MEI4: variants seen among roughly 807,000 people sequenced by gnomAD.
MEI4 encodes meiosis-specific protein MEI4.
In MEI4, 27 loss-of-function variants were observed where a neutral mutation model predicts 31.4. The observed-to-expected ratio is 0.86, with a 90% CI of 0.63 to 1.19. The LOEUF is 1.19. MEI4 is among the 50% of genes most tolerant of loss of function. The pLI, the probability that MEI4 is intolerant of heterozygous loss-of-function variation, is 0.00. For synonymous variants in MEI4, 122 were observed against 145.4 expected (o/e 0.84, Z 1.16); for missense variants, 329 against 398.9 (o/e 0.82, Z 1.49).
In MEI4 at chr6:77,854,799, A is replaced by AT. The variant is rs533792371; in HGVS notation, c.900+25739dup. ...CTACACACTTGACTTATATTATCTC[A>AT]TTAAACCTCAAAGCAACCGTCTGGT... On this transcript the variant is annotated intron_variant, in intron 4 of 4. Coordinates refer to ENST00000684080, the MANE Select transcript of MEI4 (RefSeq NM_001322247.2). 1.4e-3 allele frequency among the ~76,000 whole-genome samples: 213 copies of AT among 152,268 alleles called. 1 individual carries two copies. Among genetic ancestry groups the AT allele is most frequent in the African/African-American group, 4.5e-3 (187 of 41,564 alleles).
chr6:77,671,052 TTG>T (rs1768729049), intron 1 of MEI4, among the ~76,000 whole-genome samples: 1 of 148,960 alleles, frequency 6.7e-6, no homozygotes, highest in East Asian at 2.0e-4. Context: ...TTGTGAATTG[TTG>T]TTTTTTTTTT....
At position 77,820,238 on chromosome 6, in the gene MEI4, G is replaced by T. The variant is rs372744140; in HGVS notation, c.769-8693G>T. ...AAACACAAAGAGACTCCTGGGACTG[G>T]TTTTTTTTTGTTTTTGTTTTTGTTT... On this transcript the variant is annotated intron_variant, in intron 3 of 4. Transcript: ENST00000684080. This position sits in a 1 kb window ranked among gnomAD's most constrained non-coding sequence, Gnocchi z 4.5. Among the ~76,000 whole-genome samples the T allele has an allele frequency of 1.6e-3, 247 of 150,820 alleles. 1 individual carries two copies. The highest frequency in any genetic ancestry group is 6.9e-3 in the Middle Eastern group (2 of 288).
At chr6:77,886,038 T>C (rs1255579751) in intron 4 of MEI4, among the ~76,000 whole-genome samples, 1 of 152,216 alleles carries the variant, frequency 6.6e-6, no homozygotes. Flanking sequence ...ATCACTTTGA[T>C]GTGCTGTTAG....
At chr6:77,796,901 C>G (rs1437301875) in intron 3 of MEI4, among the ~76,000 whole-genome samples, 1 of 152,080 alleles carries the variant, frequency 6.6e-6, no homozygotes, top group Admixed American at 6.6e-5. Flanking sequence ...GAATGAAGAT[C>G]AAAGCTTACA....
chr6:77,842,041 C>A (rs181946614), intron 4 of MEI4, among the ~76,000 whole-genome samples: 54 of 152,230 alleles, frequency 3.5e-4, no homozygotes, highest in Non-Finnish European at 6.8e-4. Flanking sequence ...GGCATAAAAT[C>A]AGCAATATCT....
intron 2 of MEI4, among the ~76,000 whole-genome samples, chr6:77,692,014 G>T (rs776618998): frequency 7.9e-5 from 12 of 151,976 alleles, no homozygotes; most frequent in Non-Finnish European, 1.3e-4. Context: ...TTCTGATAGT[G>T]GCCCAAAATG....
chr6:77,825,968 AAG>A (rs1769938557), intron 3 of MEI4, among the ~76,000 whole-genome samples: 1 of 152,180 alleles, frequency 6.6e-6, no homozygotes, highest in African/African-American at 2.4e-5. Context: ...ATGTGGGAGA[AAG>A]AGCATCATAT....
intron 4 of MEI4, among the ~76,000 whole-genome samples, chr6:77,835,419 A>C (rs990564016): frequency 6.0e-5 from 9 of 150,534 alleles, no homozygotes; most frequent in African/African-American, 1.9e-4. Context: ...AAAAAAAAAA[A>C]AGAAGAGAAA....
intron 4 of MEI4, among the ~76,000 whole-genome samples, chr6:77,835,512 G>GT (rs1770199915): frequency 6.6e-6 from 1 of 151,340 alleles, no homozygotes; most frequent in African/African-American, 2.4e-5. Context: ...CAATCTCATG[G>GT]TACCAAGTAA....
chr6:77,689,612 C>T (rs1419036880), intron 1 of MEI4, among the ~76,000 whole-genome samples: 2 of 151,926 alleles, frequency 1.3e-5, no homozygotes, highest in Non-Finnish European at 2.9e-5. Context: ...AAATTCAGGG[C>T]ATCACGGCAG....
At chr6:77,899,937 A>T (rs12202257) in intron 4 of MEI4, among the ~76,000 whole-genome samples, 22 of 151,792 alleles carry the variant, frequency 1.4e-4, no homozygotes, top group African/African-American at 5.3e-4. Context: ...ACCAGAAAAA[A>T]AAAAACAGGA....
At chr6:77,894,199 A>G (rs1347697548) in intron 4 of MEI4, among the ~76,000 whole-genome samples, 3 of 152,204 alleles carry the variant, frequency 2.0e-5, no homozygotes, top group Admixed American at 2.0e-4. Context: ...AAATAATATC[A>G]TATACTTGTA....
chr6:77,682,472 A>C (rs953820459), intron 1 of MEI4, among the ~76,000 whole-genome samples: 1 of 152,214 alleles, frequency 6.6e-6, no homozygotes, highest in African/African-American at 2.4e-5. Flanking sequence ...GAGTAGACTC[A>C]GTGGAAATAG....
chr6:77,670,733 T>C (rs1283254854), intron 1 of MEI4, among the ~76,000 whole-genome samples: 2 of 152,212 alleles, frequency 1.3e-5, no homozygotes, highest in African/African-American at 4.8e-5. Flanking sequence ...TTTCTGTTAC[T>C]GTATTTAAAA....
chr6:77,751,810 C>CA (rs1346854873), intron 2 of MEI4, among the ~76,000 whole-genome samples: 1 of 151,972 alleles, frequency 6.6e-6, no homozygotes, highest in Admixed American at 6.6e-5. Context: ...AGAGACACAA[C>CA]AAAAAAAGAA....
chr6:77,684,273 G>A (rs1769012331), intron 1 of MEI4, among the ~76,000 whole-genome samples: 1 of 151,034 alleles, frequency 6.6e-6, no homozygotes. Context: ...TACATAGTAG[G>A]TGTATATATT....
intron 3 of MEI4, among the ~76,000 whole-genome samples, chr6:77,811,124 A>G (rs934260947): frequency 2.0e-5 from 3 of 152,170 alleles, no homozygotes; most frequent in Non-Finnish European, 4.4e-5. Context: ...GTATTAGAAA[A>G]CAAATATATT....
chr6:77,814,437 T>C (rs532746280), intron 3 of MEI4, among the ~76,000 whole-genome samples: 2 of 152,200 alleles, frequency 1.3e-5, no homozygotes, highest in African/African-American at 4.8e-5. Flanking sequence ...TGTTAGAAAA[T>C]TGTTTGGGAA....
At chr6:77,816,446 T>A (rs902501388) in intron 3 of MEI4, among the ~76,000 whole-genome samples, 1 of 152,094 alleles carries the variant, frequency 6.6e-6, no homozygotes, top group Non-Finnish European at 1.5e-5. Context: ...TGTTGAAACT[T>A]TACTTTTATT....
Sources: allele counts gnomAD v4.1 joint callset (sites outside exome capture counted in the v4.1 genomes callset), GRCh38; gene constraint gnomAD v4.1.1; non-coding constraint Gnocchi (gnomAD v3.1); transcripts MANE v1.5; gene names NCBI Gene and HGNC (gene_info 2026-07-23, HGNC 2026-07-21).